The following OTUB2 variants were observed in gnomAD, a reference collection of about 807,000 sequenced individuals.
OTUB2 encodes ubiquitin thioesterase OTUB2.
OTUB2 carries 21 observed loss-of-function variants against 25.1 expected under a neutral mutation model. The ratio of observed to expected loss-of-function variants is 0.84; its 90% CI spans 0.59 to 1.21. The LOEUF (loss-of-function observed/expected upper bound fraction) is 1.21, where lower values mean the gene tolerates loss of function less well. OTUB2 is among the 50% of genes most tolerant of loss of function. The pLI, the probability that OTUB2 is intolerant of heterozygous loss-of-function variation, is 0.00. For synonymous variants in OTUB2, 122 were observed against 122.8 expected, an observed-to-expected ratio of 0.99 and a Z score of 0.04; for missense variants, 283 against 298.0, an observed-to-expected ratio of 0.95 and a Z score of 0.37.
intron 1 of OTUB2, among the ~76,000 whole-genome samples, chr14:94,026,979 C>T (rs1189972013): frequency 6.6e-6 from 1 of 152,256 alleles, no homozygotes. Flanking sequence ...CCTGCCCCAA[C>T]CCCAAGGGAG....
intron 1 of OTUB2, among the ~76,000 whole-genome samples, chr14:94,036,019 C>T (rs1479097350): frequency 6.6e-6 from 1 of 152,186 alleles, no homozygotes; most frequent in African/African-American, 2.4e-5. Flanking sequence ...ATTTAGGCCT[C>T]ATTATCTAAT....
intron 3 of OTUB2, among the ~76,000 whole-genome samples, chr14:94,041,636 CCT>C (rs1359809253): frequency 6.6e-6 from 1 of 152,160 alleles, no homozygotes; most frequent in African/African-American, 2.4e-5. Context: ...AGTGGAAACC[CCT>C]GACACCAACG....
chr14:94,044,030 A>G lies in OTUB2; in HGVS notation c.278A>G (p.His93Arg), dbSNP rs775315471. The change falls in exon 4 of 6, where the codon CAC becomes CGC. Residue 93 changes from histidine to arginine, a missense_variant. Coordinates refer to ENST00000203664, the MANE Select transcript of OTUB2 (RefSeq NM_023112.4). ...CTTCTGGCTGCTGGCTTTGAGGAGC[A>G]CAAGTTCAGAAACTTCTTCAATGCT... is the stretch of plus-strand genomic sequence containing the variant. ...NDLLAAGFEE[H>R]KFRNFFNAFY... 3.5e-5 allele frequency: 57 copies of G among 1,614,090 alleles called. No homozygotes were observed. The highest frequency in any genetic ancestry group is 7.6e-6 in the Non-Finnish European group (9 of 1,180,018).
intron 1 of OTUB2, among the ~76,000 whole-genome samples, chr14:94,028,957 C>A (rs1231687282): frequency 6.6e-6 from 1 of 152,084 alleles, no homozygotes; most frequent in Admixed American, 6.6e-5. Flanking sequence ...GGCTATCAGG[C>A]CTTGAAGCAT....
chr14:94,026,608 A>T, intron 1 of OTUB2, 68 bp downstream of exon 1: 16 of 994,710 alleles, frequency 1.6e-5, no homozygotes, highest in South Asian at 4.6e-5. Context: ...TCGCTGCCGG[A>T]GCGGGTGCAC....
At position 94,047,537 on chromosome 14, in the gene OTUB2, C is replaced by T. The variant is rs557967142; in HGVS notation, c.*1615C>T. 2 of 152,220 alleles carry T rather than the reference C, an allele frequency of 1.3e-5. No homozygotes were observed. Among genetic ancestry groups the T allele is most frequent in the South Asian group, 4.1e-4 (2 of 4,826 alleles). 9.4% of individuals were successfully genotyped at this position (152,220 alleles called of 1,614,324 possible). On this transcript the variant is annotated 3_prime_UTR_variant, in exon 6 of 6. Transcript: ENST00000203664. ...CCTCTGAATTTGTTCAGTGTCCCAC[C>T]ATGGTCTATGAGAAGTACACTGGAA...
At chr14:94,036,635 G>A (rs1332629238) in intron 1 of OTUB2, among the ~76,000 whole-genome samples, 6 of 152,056 alleles carry the variant, frequency 3.9e-5, no homozygotes, top group Admixed American at 2.0e-4. Flanking sequence ...CTCTCTGTCC[G>A]CCAATTTCTT....
rs142769968 is a variant in OTUB2 at position 94,036,823 on chromosome 14, C to T, written c.4-557C>T. ...CACCTTCTCTGGCATCTCCATGTAC[C>T]AGTGCCACACACTGCGGCCTCTTCT... On this transcript the variant is annotated intron_variant, in intron 1 of 5. Transcript: ENST00000203664. 5.5e-4 allele frequency among the ~76,000 whole-genome samples: 83 copies of T among 152,274 alleles called. 2 individuals are homozygous for T. The highest frequency in any genetic ancestry group is 2.0e-3 in the African/African-American group (82 of 41,546).
chr14:94,028,356 T>C (rs1290202222), intron 1 of OTUB2, among the ~76,000 whole-genome samples: 2 of 152,190 alleles, frequency 1.3e-5, no homozygotes, highest in East Asian at 1.9e-4. Context: ...TGGATGGTGG[T>C]GACAGAAGGA....
intron 5 of OTUB2, among the ~76,000 whole-genome samples, 169 bp downstream of exon 5, chr14:94,044,949 G>C (rs542585642): frequency 2.6e-5 from 4 of 152,338 alleles, no homozygotes; most frequent in Non-Finnish European, 4.4e-5. Context: ...AGCTGCCTGA[G>C]CTGTGTGGCC....
intron 4 of OTUB2, 106 bp downstream of exon 4, chr14:94,044,161 G>A (rs1221576752): frequency 8.5e-7 from 1 of 1,176,472 alleles, no homozygotes; most frequent in Non-Finnish European, 1.3e-6. Flanking sequence ...GCTGGGGAAG[G>A]ACAGAGGGTT....
intron 4 of OTUB2, 127 bp from the exon 5 acceptor site, chr14:94,044,457 ACT>A (rs1213335757): frequency 2.0e-6 from 2 of 1,001,614 alleles, no homozygotes; most frequent in Non-Finnish European, 1.4e-6. Context: ...TGATTTTCTA[ACT>A]CAACCTGAGA....
chr14:94,043,785 G>A (rs546838047), intron 3 of OTUB2, among the ~76,000 whole-genome samples, 186 bp from the exon 4 acceptor site: 14 of 152,318 alleles, frequency 9.2e-5, no homozygotes, highest in Admixed American at 4.6e-4. Context: ...ACCAGGGCCC[G>A]GCAGGGCCAG....
chr14:94,032,605 T>G (rs1236528362), intron 1 of OTUB2, among the ~76,000 whole-genome samples: 1 of 151,930 alleles, frequency 6.6e-6, no homozygotes, highest in Non-Finnish European at 1.5e-5. Context: ...TTGGGATGGG[T>G]GGGGGCGAGG....
At chr14:94,029,514 G>C (rs779421070) in intron 1 of OTUB2, among the ~76,000 whole-genome samples, 12 of 152,104 alleles carry the variant, frequency 7.9e-5, no homozygotes, top group Non-Finnish European at 1.8e-4. Flanking sequence ...CCTGTATGCC[G>C]GTCTGTGTCC....
At chr14:94,027,123 A>T (rs1884881455) in intron 1 of OTUB2, among the ~76,000 whole-genome samples, 1 of 152,158 alleles carries the variant, frequency 6.6e-6, no homozygotes, top group African/African-American at 2.4e-5. Flanking sequence ...CGGGGAAAAG[A>T]AAATACTCAG....
rs1449993310 is a variant in OTUB2 at position 94,047,340 on chromosome 14, T to C, written c.*1418T>C. 6.6e-6 allele frequency: 1 copy of C among 152,178 alleles called. No homozygotes were observed. The highest frequency in any genetic ancestry group is 2.4e-5 in the African/African-American group (1 of 41,434). 9.4% of individuals were successfully genotyped at this position (152,178 alleles called of 1,614,324 possible). A position where few individuals can be genotyped will look rare whatever the true frequency, so the allele number is the denominator to read the frequency against. On this transcript the variant is annotated 3_prime_UTR_variant, in exon 6 of 6. Transcript: ENST00000203664. ...AGTCCTCTTGACACAAATGTCAGATTTGTGTCACTCTTCTGCCTTCGTGAA... is the reference window on the plus strand; with the variant it reads ...AGTCCTCTTGACACAAATGTCAGATCTGTGTCACTCTTCTGCCTTCGTGAA...
At chr14:94,032,455 G>C (rs545650903) in intron 1 of OTUB2, among the ~76,000 whole-genome samples, 7 of 152,176 alleles carry the variant, frequency 4.6e-5, no homozygotes, top group African/African-American at 1.7e-4. Context: ...ATTCATTAGA[G>C]ACAGAAAAGT....
At chr14:94,043,210 G>C (rs956550856) in intron 3 of OTUB2, among the ~76,000 whole-genome samples, 2 of 152,198 alleles carry the variant, frequency 1.3e-5, no homozygotes, top group African/African-American at 4.8e-5. Context: ...TGAACCTTCT[G>C]CCTCCTGGGT....
Sources: allele counts gnomAD v4.1 joint callset (sites outside exome capture counted in the v4.1 genomes callset), GRCh38; gene constraint gnomAD v4.1.1; transcripts MANE v1.5; gene names NCBI Gene and HGNC (gene_info 2026-07-23, HGNC 2026-07-21).